Variants in RIPPLY1 observed in about 807,000 individuals in gnomAD.
RIPPLY1 encodes the protein protein ripply1.
Under a neutral mutation model 8.7 loss-of-function variants are expected in RIPPLY1, and 10 were observed. The observed-to-expected ratio is 1.15, with a 90% confidence interval of 0.71 to 1.94. RIPPLY1 has a LOEUF of 1.94. RIPPLY1 is among the 30% of genes most tolerant of loss of function. The probability of loss-of-function intolerance (pLI) is 0.00; values close to 1 mark genes in which losing one functional copy is unlikely to be tolerated. For missense variants in RIPPLY1, 118 were observed against 108.7 expected, an observed-to-expected ratio of 1.09 and a Z score of -0.38; for synonymous variants, 54 against 44.8, an observed-to-expected ratio of 1.20 and a Z score of -0.82.
At chrX:106,901,385 C>A in intron 3 of RIPPLY1, 89 bp downstream of exon 3, 2 of 889,829 alleles carry the variant, frequency 2.2e-6, no homozygotes, top group Non-Finnish European at 1.6e-6. Context: ...ATAGCAATTC[C>A]TCCCCTCTCC....
Position 106,901,538 on chromosome X carries a change from C to A in RIPPLY1, c.232G>T (p.Ala78Ser). ...PRQMRKLVDLAAGGATAAEVT... is the reference protein window; with the variant it reads ...PRQMRKLVDLSAGGATAAEVT... Reference sequence around the variant, plus strand: ...TCAGCAGCCGTTGCCCCACCAGCAGCCTGTCCAAAGCAAAAGCTAGCATGT... The same window carrying A: ...TCAGCAGCCGTTGCCCCACCAGCAGACTGTCCAAAGCAAAAGCTAGCATGT... The change falls in exon 3 of 4, where the codon GCT becomes TCT. Residue 78 changes from alanine to serine, a missense_variant and splice_region_variant. Coordinates refer to ENST00000276173, the MANE Select transcript of RIPPLY1 (RefSeq NM_138382.3). 8.3e-7 allele frequency: 1 copy of A among 1,211,103 alleles called. No individual in the cohort carries two copies. The highest frequency in any genetic ancestry group is 1.8e-5 in the South Asian group (1 of 56,916).
At chrX:106,901,684 C>T (rs1979456683) in intron 2 of RIPPLY1, 146 bp from the exon 3 acceptor site, 5 of 507,827 alleles carry the variant, frequency 9.8e-6, no homozygotes, top group East Asian at 3.6e-5. Context: ...AATACCCACC[C>T]CTCAACAAGG....
Position 106,900,583 on chromosome X carries a change from GCTAA to G in RIPPLY1, c.*162_*165del. ...TCTATCTGCTGGACTAATACTTCCGGCTAACTGATGTCTGTGAAAACTTGCCAGA... is the reference window on the plus strand; with the variant it reads ...TCTATCTGCTGGACTAATACTTCCGGCTGATGTCTGTGAAAACTTGCCAGA... On this transcript the variant is annotated 3_prime_UTR_variant, in exon 4 of 4. Transcript: ENST00000276173. The G allele has an allele frequency of 2.2e-6, 2 of 920,466 alleles. No homozygotes were observed. The highest frequency in any genetic ancestry group is 2.9e-6 in the Non-Finnish European group (2 of 693,729). The allele number at this position is 920,466 out of a possible 1,213,427, so 75.9% of individuals were successfully genotyped here. A position where few individuals can be genotyped will look rare whatever the true frequency, so the allele number is the denominator to read the frequency against.
chrX:106,901,980 G>A (rs1322713889), intron 2 of RIPPLY1, among the ~76,000 whole-genome samples, 160 bp downstream of exon 2: 1 of 112,276 alleles, frequency 8.9e-6, no homozygotes, highest in African/African-American at 3.2e-5. Flanking sequence ...CAGAAAGCTT[G>A]GATCTGCTCT....
chrX:106,903,253 G>A lies in RIPPLY1; in HGVS notation c.35C>T (p.Pro12Leu), dbSNP rs367555601. Residue 12 changes from proline (P) to leucine (L), a missense_variant, in exon 1 of 4, where the codon CCT (proline) becomes CTT (leucine). Transcript: ENST00000276173. ...DSAACAAAAT[P>L]VPALALALAP... ...TAGGGCCAAAGCCAGGGCTGGAACAGGGGTGGCAGCAGCAGCACAGGCAGC... is the reference window on the plus strand; with the variant it reads ...TAGGGCCAAAGCCAGGGCTGGAACAAGGGTGGCAGCAGCAGCACAGGCAGC... 1.7e-6 allele frequency: 2 copies of A among 1,207,704 alleles called. No individual in the cohort carries two copies. Among genetic ancestry groups the A allele is most frequent in the African/African-American group, 3.5e-5 (2 of 57,425 alleles).
chrX:106,900,997 C>T, intron 3 of RIPPLY1, 89 bp from the exon 4 acceptor site: 1 of 1,110,109 alleles, frequency 9.0e-7, no homozygotes, highest in Non-Finnish European at 1.2e-6. Flanking sequence ...CCCCTAAACC[C>T]CTTCTCTTGG....
Position 106,900,800 on chromosome X carries a change from G to T in RIPPLY1, c.405C>A (p.Asp135Glu), listed in dbSNP as rs895039432. 17 of 1,209,543 alleles carry T rather than the reference G, an allele frequency of 1.4e-5. No homozygotes were observed. Among genetic ancestry groups the T allele is most frequent in the African/African-American group, 1.8e-5 (1 of 57,071 alleles). The change falls in exon 4 of 4, where the codon GAC becomes GAA. Residue 135 changes from aspartate to glutamate, a missense_variant. Asp to Glu is a conservative substitution (Grantham distance 45). Transcript: ENST00000276173. Reference sequence around the variant, plus strand: ...CTTCATCTTCCTCTTCTTCTTCGCTGTCTGAGTCCTCGTATAGGTTGATGG... The same window carrying T: ...CTTCATCTTCCTCTTCTTCTTCGCTTTCTGAGTCCTCGTATAGGTTGATGG... ...QATINLYEDS[D>E]SEEEEEDEEQ...
At chrX:106,902,305 C>T (rs1933113854) in intron 1 of RIPPLY1, 90 bp from the exon 2 acceptor site, 14 of 731,887 alleles carry the variant, frequency 1.9e-5, no homozygotes, top group Non-Finnish European at 2.9e-5. Flanking sequence ...AAGCTTGGCT[C>T]AGGTGCCATC....
chrX:106,902,921 A>C (rs994731464), intron 1 of RIPPLY1, among the ~76,000 whole-genome samples: 1 of 112,303 alleles, frequency 8.9e-6, no homozygotes, highest in Non-Finnish European at 1.9e-5. Flanking sequence ...CTTTGGCAAC[A>C]GCTGTCCCCA....
chrX:106,903,011 C>T, intron 1 of RIPPLY1, 122 bp downstream of exon 1: 1 of 721,902 alleles, frequency 1.4e-6, no homozygotes, highest in East Asian at 3.4e-5. Context: ...GGAGGGAGGG[C>T]TATGAGGCCA....
chrX:106,900,792 T>C lies in RIPPLY1; in HGVS notation c.413A>G (p.Glu138Gly). The stretch of plus-strand genomic sequence containing the variant: ...CTCCTGCTCTTCATCTTCCTCTTCT[T>C]CTTCGCTGTCTGAGTCCTCGTATAG... ...INLYEDSDSE[E>G]EEEDEEQEDE... Residue 138 changes from glutamate (E) to glycine (G), a missense_variant, in exon 4 of 4, where the codon GAA (glutamate) becomes GGA (glycine). Physicochemically the swap from Glu to Gly is moderately conservative, Grantham distance 98 (BLOSUM62 -2). Coordinates refer to ENST00000276173, the MANE Select transcript of RIPPLY1 (RefSeq NM_138382.3). The C allele has an allele frequency of 8.3e-7, 1 of 1,211,272 alleles. No homozygotes were observed. The highest frequency in any genetic ancestry group is 1.1e-6 in the Non-Finnish European group (1 of 895,242).
At chrX:106,902,496 A>G (rs1353591460) in intron 1 of RIPPLY1, among the ~76,000 whole-genome samples, 1 of 112,276 alleles carries the variant, frequency 8.9e-6, no homozygotes, top group Non-Finnish European at 1.9e-5. Flanking sequence ...AACACCTAGT[A>G]CAATGTCTGG....
chrX:106,900,715 TCA>T lies in RIPPLY1; in HGVS notation c.*32_*33del. 8.5e-7 allele frequency: 1 copy of T among 1,183,008 alleles called. No individual in the cohort carries two copies. The highest frequency in any genetic ancestry group is 3.1e-5 in the East Asian group (1 of 32,453). ...CTGTAGGGTATGGACCCTGGTACCC[TCA>T]CACACCCTTCTGGCCCCTTTTCATT... On this transcript the variant is annotated 3_prime_UTR_variant, in exon 4 of 4. Transcript: ENST00000276173.
At chrX:106,902,276 A>G in intron 1 of RIPPLY1, 61 bp from the exon 2 acceptor site, 2 of 978,396 alleles carry the variant, frequency 2.0e-6, no homozygotes, top group South Asian at 4.3e-5. Flanking sequence ...GCTCCCTGAG[A>G]TAACAAGAGA....
In RIPPLY1 at chrX:106,903,190, C is replaced by T; in HGVS notation, c.98G>A (p.Gly33Asp). The part of the protein sequence containing the change: ...DLAQAPLALP[G>D]LLSPSCLLSS... ...GAGAAGGCAAGATGGGCTTAACAGG[C>T]CAGGGAGTGCCAGTGGGGCTTGTGC... The change falls in exon 1 of 4, where the codon GGC (glycine) becomes GAC (aspartate). Residue 33 changes from glycine (G) to aspartate (D), a missense_variant. Coordinates refer to ENST00000276173, the MANE Select transcript of RIPPLY1 (RefSeq NM_138382.3). 8.3e-7 allele frequency: 1 copy of T among 1,210,416 alleles called. No individual in the cohort carries two copies. The highest frequency in any genetic ancestry group is 1.1e-6 in the Non-Finnish European group (1 of 894,732).
chrX:106,902,048 G>A, intron 2 of RIPPLY1, 92 bp downstream of exon 2: 1 of 720,605 alleles, frequency 1.4e-6, no homozygotes, highest in East Asian at 3.5e-5. Context: ...CTGCACCTTT[G>A]GACTGAGGTC....
chrX:106,901,793 G>C (rs1036280891), intron 2 of RIPPLY1, among the ~76,000 whole-genome samples: 9 of 111,344 alleles, frequency 8.1e-5, no homozygotes, highest in Non-Finnish European at 1.5e-4. Context: ...GCTCTCCAGG[G>C]GACAGTGTTC....
At chrX:106,901,655 C>G (rs1933096979) in intron 2 of RIPPLY1, 117 bp from the exon 3 acceptor site, 1 of 729,792 alleles carries the variant, frequency 1.4e-6, no homozygotes, top group South Asian at 2.9e-5. Flanking sequence ...TTAGACATCT[C>G]TGGGACCCAG....
chrX:106,900,985 G>A (rs1933084043), intron 3 of RIPPLY1, 77 bp from the exon 4 acceptor site: 2 of 1,132,086 alleles, frequency 1.8e-6, no homozygotes, highest in South Asian at 4.5e-5. Context: ...GAAAGAAGCT[G>A]GCCCCTAAAC....
Sources: allele counts gnomAD v4.1 joint callset (sites outside exome capture counted in the v4.1 genomes callset), GRCh38; gene constraint gnomAD v4.1.1; transcripts MANE v1.5; gene names NCBI Gene and HGNC (gene_info 2026-07-23, HGNC 2026-07-21).